MPRIP: variants seen among roughly 807,000 people sequenced by gnomAD.
The protein encoded by MPRIP is myosin phosphatase Rho-interacting protein.
A neutral mutation model predicts 234.9 loss-of-function variants in MPRIP; 59 were observed. The ratio of observed to expected loss-of-function variants is 0.25; its 90% CI spans 0.20 to 0.31. MPRIP has a LOEUF of 0.31. MPRIP is among the 10% of genes least tolerant of loss of function. The probability of loss-of-function intolerance (pLI) is 1.00; values close to 1 mark genes in which losing one functional copy is unlikely to be tolerated. For synonymous variants in MPRIP, 1,144 were observed against 1,263.9 expected (o/e 0.91, Z 2.01); for missense variants, 2,436 against 3,071.0 (o/e 0.79, Z 4.89).
At chr17:17,070,129 G>T (rs1298475029) in intron 1 of MPRIP, among the ~76,000 whole-genome samples, 3 of 152,104 alleles carry the variant, frequency 2.0e-5, no homozygotes, top group Non-Finnish European at 2.9e-5. Context: ...ATTCTGCTTA[G>T]TTTTCTCAAA....
intron 8 of MPRIP, among the ~76,000 whole-genome samples, 196 bp from the exon 9 acceptor site, chr17:17,143,360 C>T (rs1242723467): frequency 6.6e-6 from 1 of 152,218 alleles, no homozygotes; most frequent in Non-Finnish European, 1.5e-5. Flanking sequence ...AAAGGCTGCT[C>T]TATCAACCAG....
chr17:17,173,026 A>C (rs1415923139), intron 18 of MPRIP, among the ~76,000 whole-genome samples: 6 of 152,238 alleles, frequency 3.9e-5, no homozygotes, highest in African/African-American at 1.4e-4. Flanking sequence ...GTTCCTCGAA[A>C]TGCCAAGAAC....
In MPRIP at chr17:17,167,897, G is replaced by C. The variant is rs1316151003; in HGVS notation, c.6306G>C (p.Arg2102Ser). Residue 2102 changes from arginine (R) to serine (S), a missense_variant, in exon 16 of 24, where the codon AGG (arginine) becomes AGC (serine). By Grantham distance (110) the Arg-to-Ser change is moderately radical. This residue lies in a region of MPRIP where 1,998 missense variants were observed against 2,520.3 expected (regional missense o/e 0.79). Transcript: ENST00000651222. The surrounding 1 kb of genome is among the most constrained non-coding windows in gnomAD (Gnocchi z 5.9). ...DAATLREKYQ[R>S]DLESLKATCE... ...CCACACTGCGTGAGAAGTACCAGAG[G>C]GACTTGGAGAGCCTTAAGGTCTTAA... The C allele has an allele frequency of 3.1e-6, 4 of 1,303,580 alleles. No homozygotes were observed. In the Admixed American group the frequency reaches 9.2e-5, roughly 30 times the overall value. The allele number at this position is 1,303,580 out of a possible 1,614,324, so 80.8% of individuals were successfully genotyped here.
At chr17:17,156,891 A>C (rs1051023665) in intron 13 of MPRIP, among the ~76,000 whole-genome samples, 29 of 152,370 alleles carry the variant, frequency 1.9e-4, no homozygotes, top group African/African-American at 5.8e-4. Context: ...CTGCCTGGAC[A>C]GGTGACCCTT....
intron 1 of MPRIP, among the ~76,000 whole-genome samples, chr17:17,067,131 T>A (rs1255259478): frequency 6.6e-6 from 1 of 152,204 alleles, no homozygotes; most frequent in East Asian, 1.9e-4. Context: ...CGAGGTGTGA[T>A]AGAAAAATTA....
chr17:17,166,332 GATT>G lies in MPRIP; in HGVS notation c.4742_4744del (p.Asp1581_Ser1582delinsAla). 1 of 1,304,588 alleles carries G rather than the reference GATT, an allele frequency of 7.7e-7. No homozygotes were observed. 80.8% of individuals were successfully genotyped at this position (1,304,588 alleles called of 1,614,324 possible). A position where few individuals can be genotyped will look rare whatever the true frequency, so the allele number is the denominator to read the frequency against. ...GGCCTCGCTGATCAGCCAGATAGCA[GATT>G]CCCTGAAGAACACAACATCAGATGT... On this transcript the variant is annotated inframe_deletion, in exon 16 of 24. Transcript: ENST00000651222. This position sits in a 1 kb window ranked among gnomAD's most constrained non-coding sequence, Gnocchi z 4.4.
intron 19 of MPRIP, among the ~76,000 whole-genome samples, chr17:17,174,799 A>T (rs987010921): frequency 3.4e-5 from 4 of 118,970 alleles, no homozygotes; most frequent in African/African-American, 2.4e-4. Context: ...ACTCCGTCTA[A>T]AAAAAAAAAA....
intron 4 of MPRIP, among the ~76,000 whole-genome samples, chr17:17,128,503 T>C (rs867227426): frequency 8.5e-5 from 13 of 152,170 alleles, no homozygotes; most frequent in African/African-American, 3.1e-4. Context: ...TGTTGCATAT[T>C]CAGGCTTGCC....
chr17:17,154,567 G>T (rs774723157), intron 13 of MPRIP, 152 bp downstream of exon 13: 49 of 653,090 alleles, frequency 7.5e-5, no homozygotes, highest in Admixed American at 1.8e-4. Flanking sequence ...CTGTTGCTCA[G>T]GTTCCTGTCC....
In MPRIP at chr17:17,171,443, A is replaced by G. The variant is rs149399343; in HGVS notation, c.6325-275A>G. ...CAGCCTGTCCCCACCTACCATACCA[A>G]CTTCTCCCAGGAAGAAATGGGGCAC... On this transcript the variant is annotated intron_variant, in intron 16 of 23. Coordinates refer to ENST00000651222, the MANE Select transcript of MPRIP (RefSeq NM_001364716.4). 6.2e-4 allele frequency: 228 copies of G among 366,092 alleles called. 2 individuals are homozygous for G. Among genetic ancestry groups the G allele is most frequent in the African/African-American group, 4.0e-3 (193 of 47,936 alleles). The allele number at this position is 366,092 out of a possible 1,614,324, so 22.7% of individuals were successfully genotyped here.
chr17:17,066,189 G>C (rs1379343727), intron 1 of MPRIP, among the ~76,000 whole-genome samples: 2 of 152,194 alleles, frequency 1.3e-5, no homozygotes, highest in Non-Finnish European at 2.9e-5. Flanking sequence ...AGAATTCTGA[G>C]ATGGCCATCA....
intron 1 of MPRIP, among the ~76,000 whole-genome samples, chr17:17,070,290 G>A (rs1396162059): frequency 6.6e-6 from 1 of 152,152 alleles, no homozygotes; most frequent in East Asian, 1.9e-4. Context: ...CTTCTTGAAT[G>A]TGTAGGTTGC....
At chr17:17,089,279 C>G (rs1415235327) in intron 3 of MPRIP, among the ~76,000 whole-genome samples, 1 of 152,198 alleles carries the variant, frequency 6.6e-6, no homozygotes, top group East Asian at 1.9e-4. Flanking sequence ...AGGGCAGCTT[C>G]CTTCTGAGGT....
In MPRIP at chr17:17,189,726, G is replaced by T. The variant is rs2046550026; in HGVS notation, c.*4832G>T. ...TGGCTAGGGGAGCCATAGGTCTGTT[G>T]TACAAGGAATTTGCTTTCTAAACAA... is the stretch of plus-strand genomic sequence containing the variant. On this transcript the variant is annotated 3_prime_UTR_variant, in exon 24 of 24. Coordinates refer to ENST00000651222, the MANE Select transcript of MPRIP (RefSeq NM_001364716.4). The T allele has an allele frequency of 6.6e-6, 1 of 152,194 alleles. No homozygotes were observed. Among genetic ancestry groups the T allele is most frequent in the African/African-American group, 2.4e-5 (1 of 41,446 alleles). The allele number at this position is 152,194 out of a possible 1,614,324, so 9.4% of individuals were successfully genotyped here.
intron 3 of MPRIP, among the ~76,000 whole-genome samples, chr17:17,103,629 A>G (rs2090006993): frequency 6.6e-6 from 1 of 152,178 alleles, no homozygotes; most frequent in Non-Finnish European, 1.5e-5. Context: ...AGTAATTTCC[A>G]GTGGGTTGTC....
At chr17:17,153,468 C>T (rs1329006714) in intron 12 of MPRIP, among the ~76,000 whole-genome samples, 1 of 151,942 alleles carries the variant, frequency 6.6e-6, no homozygotes, top group African/African-American at 2.4e-5. Flanking sequence ...GCCTGGTACC[C>T]AGGCAGGTCT....
chr17:17,093,259 C>T (rs1400819371), intron 3 of MPRIP, among the ~76,000 whole-genome samples: 1 of 152,206 alleles, frequency 6.6e-6, no homozygotes, highest in Admixed American at 6.5e-5. Flanking sequence ...TTCGCATAGT[C>T]CCTGCATGAA....
chr17:17,175,145 A>G (rs973480034), intron 19 of MPRIP, 148 bp from the exon 20 acceptor site: 5 of 1,162,858 alleles, frequency 4.3e-6, no homozygotes, highest in African/African-American at 1.5e-5. Context: ...TTATTGTGAC[A>G]GAAAGGAATT....
At chr17:17,178,681 T>C in intron 22 of MPRIP, 1 of 152,046 alleles carries the variant, frequency 6.6e-6, no homozygotes, top group Middle Eastern at 3.1e-3. Context: ...TTTGGGAAGC[T>C]AGGTGGGCAG....
Sources: gnomAD v4.1 joint callset for allele counts (sites outside exome capture counted in the v4.1 genomes callset) on GRCh38, gnomAD v4.1.1 for gene constraint, gnomAD v4.1.1 regional missense constraint, Gnocchi (gnomAD v3.1) non-coding constraint, MANE v1.5 for transcripts, NCBI Gene and HGNC (gene_info 2026-07-23, HGNC 2026-07-21) for gene names.